R3HDM4: variants seen among roughly 807,000 people sequenced by gnomAD.
The protein encoded by R3HDM4 is R3H domain containing 4.
Under a neutral mutation model 31.3 loss-of-function variants are expected in R3HDM4, and 30 were observed. The ratio of observed to expected loss-of-function variants is 0.96; its 90% confidence interval spans 0.72 to 1.30. The LOEUF (loss-of-function observed/expected upper bound fraction) is 1.30. Ranked by LOEUF, R3HDM4 falls within the 50% of genes most tolerant of loss-of-function variation. The pLI, the probability that R3HDM4 is intolerant of heterozygous loss-of-function variation, is 0.00. For missense variants in R3HDM4, 444 were observed against 366.1 expected, an observed-to-expected ratio of 1.21 and a Z score of -1.74; for synonymous variants, 196 against 156.6, an observed-to-expected ratio of 1.25 and a Z score of -1.88.
In R3HDM4 at chr19:897,569, G is replaced by A. The variant is rs556641926; in HGVS notation, c.704-29C>T. The A allele has an allele frequency of 1.6e-4, 252 of 1,571,700 alleles. 2 individuals carry two copies. Among genetic ancestry groups the A allele is most frequent in the South Asian group, 1.4e-3 (124 of 87,646 alleles). ...CAGACGGGACCAGCGGGGCAAGAAC[G>A]GGAGGAATTTGGGAGCCGCGGCAGG... On this transcript the variant is annotated intron_variant, in intron 7 of 7. Coordinates refer to ENST00000361574, the MANE Select transcript of R3HDM4 (RefSeq NM_138774.4).
intron 1 of R3HDM4, among the ~76,000 whole-genome samples, chr19:912,078 TG>T: frequency 3.0e-5 from 1 of 33,792 alleles, no homozygotes; most frequent in Middle Eastern, 0.014. Context: ...GACCCGGGAG[TG>T]GGGGCGCGGC....
chr19:911,703 C>T (rs8102337), intron 1 of R3HDM4, among the ~76,000 whole-genome samples: 14,239 of 152,200 alleles, frequency 0.094, 788 homozygotes, highest in South Asian at 0.17. Context: ...CCTCCACCAA[C>T]ACGGACCCCA....
At position 899,348 on chromosome 19, in the gene R3HDM4, G is replaced by C; in HGVS notation, c.703+92C>G. On this transcript the variant is annotated intron_variant, in intron 7 of 7. Coordinates refer to ENST00000361574, the MANE Select transcript of R3HDM4 (RefSeq NM_138774.4). This position sits in a 1 kb window ranked among gnomAD's most constrained non-coding sequence, Gnocchi z 6.8. ...GCCCCCTTCCCCACCTCCCCACCAAGCCCCACTCTGAGGAACCAGGCCCCT... is the reference window on the plus strand; with the variant it reads ...GCCCCCTTCCCCACCTCCCCACCAACCCCCACTCTGAGGAACCAGGCCCCT... The C allele has an allele frequency of 7.5e-6, 9 of 1,201,456 alleles. No individual in the cohort carries two copies. The highest frequency in any genetic ancestry group is 9.7e-6 in the Non-Finnish European group (8 of 821,580). 74.4% of individuals were successfully genotyped at this position (1,201,456 alleles called of 1,614,324 possible). A position where few individuals can be genotyped will look rare whatever the true frequency, so the allele number is the denominator to read the frequency against.
Position 899,788 on chromosome 19 carries a change from G to T in R3HDM4, c.562-102C>A, listed in dbSNP as rs2036801372. ...AGCCCACAGCGCTGGGCTCAAACAT[G>T]ACCTCTGACCCACCACGTGAGGCTG... On this transcript the variant is annotated intron_variant, in intron 5 of 7. Coordinates refer to ENST00000361574, the MANE Select transcript of R3HDM4 (RefSeq NM_138774.4). The surrounding 1 kb of genome is among the most constrained non-coding windows in gnomAD (Gnocchi z 6.8). 2 of 944,204 alleles carry T rather than the reference G, an allele frequency of 2.1e-6. No homozygotes were observed. The highest frequency in any genetic ancestry group is 3.3e-5 in the African/African-American group (2 of 60,098). The allele number at this position is 944,204 out of a possible 1,614,324, so 58.5% of individuals were successfully genotyped here. A position where few individuals can be genotyped will look rare whatever the true frequency, so the allele number is the denominator to read the frequency against.
chr19:910,047 C>A (rs887461575), intron 1 of R3HDM4, among the ~76,000 whole-genome samples: 1 of 151,794 alleles, frequency 6.6e-6, no homozygotes, highest in East Asian at 1.9e-4. Context: ...TTAGCCAGGC[C>A]GGGCGCAGTG....
At chr19:902,941 CAAAAA>C (rs916149718) in intron 1 of R3HDM4, among the ~76,000 whole-genome samples, 1 of 147,992 alleles carries the variant, frequency 6.8e-6, no homozygotes, top group Admixed American at 6.7e-5. Context: ...GACCTTGTCT[CAAAAA>C]AAAACAAAAA....
Position 897,231 on chromosome 19 carries a change from G to C in R3HDM4, c.*206C>G, listed in dbSNP as rs1282041507. On this transcript the variant is annotated 3_prime_UTR_variant, in exon 8 of 8. Transcript: ENST00000361574. The stretch of plus-strand genomic sequence containing the variant: ...CACAAGTCCCGGAGTGGGAAGCTTG[G>C]AGCTGGGATGGCATGGGCAGCCCCA... 1 of 516,568 alleles carries C rather than the reference G, an allele frequency of 1.9e-6. No individual in the cohort carries two copies. The highest frequency in any genetic ancestry group is 3.3e-5 in the East Asian group (1 of 30,650). 32.0% of individuals were successfully genotyped at this position (516,568 alleles called of 1,614,324 possible).
chr19:910,050 G>T (rs1051114550), intron 1 of R3HDM4, among the ~76,000 whole-genome samples: 1 of 152,206 alleles, frequency 6.6e-6, no homozygotes, highest in Admixed American at 6.5e-5. Context: ...GCCAGGCCGG[G>T]CGCAGTGGCT....
intron 1 of R3HDM4, among the ~76,000 whole-genome samples, chr19:909,807 C>A (rs947810667): frequency 6.6e-6 from 1 of 151,828 alleles, no homozygotes; most frequent in Non-Finnish European, 1.5e-5. Flanking sequence ...CCAACCCCCA[C>A]CAAAAACAAA....
At chr19:902,217 T>A in intron 1 of R3HDM4, 87 bp from the exon 2 acceptor site, 2 of 1,502,224 alleles carry the variant, frequency 1.3e-6, no homozygotes, top group East Asian at 2.3e-5. Context: ...GCCCGCTTGG[T>A]TTCCCCCAGC....
At chr19:900,984 T>C (rs776813567) in intron 3 of R3HDM4, 32 bp from the exon 4 acceptor site, 2 of 1,535,532 alleles carry the variant, frequency 1.3e-6, no homozygotes, top group African/African-American at 1.4e-5. Flanking sequence ...AGGCTTGCCA[T>C]GAAACACTGG....
intron 1 of R3HDM4, among the ~76,000 whole-genome samples, chr19:906,036 T>C (rs1241172995): frequency 2.0e-5 from 3 of 151,972 alleles, no homozygotes; most frequent in Non-Finnish European, 2.9e-5. Flanking sequence ...ACCCCCTTTT[T>C]TTTTTTGAGA....
At position 896,681 on chromosome 19, in the gene R3HDM4, A is replaced by C. The variant is rs2036742159; in HGVS notation, c.*756T>G. On this transcript the variant is annotated 3_prime_UTR_variant, in exon 8 of 8. Transcript: ENST00000361574. The surrounding 1 kb of genome is among the most constrained non-coding windows in gnomAD (Gnocchi z 4.0). ...AGGCTGGGGGACGAGGGGACACGGG[A>C]TGGGGTGACAGACAAGGTAGTGCAA... 1 of 152,448 alleles carries C rather than the reference A, an allele frequency of 6.6e-6. No individual in the cohort carries two copies. Among genetic ancestry groups the C allele is most frequent in the African/African-American group, 2.4e-5 (1 of 41,340 alleles). 9.4% of individuals were successfully genotyped at this position (152,448 alleles called of 1,614,324 possible).
At chr19:903,062 CCA>C (rs1007435303) in intron 1 of R3HDM4, among the ~76,000 whole-genome samples, 1 of 152,194 alleles carries the variant, frequency 6.6e-6, no homozygotes, top group African/African-American at 2.4e-5. Context: ...ACCCCCAACC[CCA>C]GTGTTCAAGG....
intron 2 of R3HDM4, 51 bp from the exon 3 acceptor site, chr19:901,597 A>G (rs1417089004): frequency 1.3e-6 from 2 of 1,577,488 alleles, no homozygotes; most frequent in East Asian, 2.3e-5. Context: ...GGGGACCCCC[A>G]GGCACCATGG....
At chr19:901,706 C>T (rs1161309941) in intron 2 of R3HDM4, 160 bp from the exon 3 acceptor site, 3 of 1,035,682 alleles carry the variant, frequency 2.9e-6, no homozygotes, top group Non-Finnish European at 4.1e-6. Context: ...CACCTAGACC[C>T]CAGGTTCTGG....
intron 1 of R3HDM4, among the ~76,000 whole-genome samples, chr19:904,980 G>A (rs545410941): frequency 1.2e-3 from 184 of 152,218 alleles, no homozygotes; most frequent in Non-Finnish European, 1.1e-3. Context: ...GCCAAGGTAG[G>A]TGGATCACTT....
intron 1 of R3HDM4, among the ~76,000 whole-genome samples, chr19:910,384 T>C (rs1307960662): frequency 6.6e-6 from 1 of 151,044 alleles, no homozygotes; most frequent in Non-Finnish European, 1.5e-5. Context: ...CTCGGGAGGC[T>C]GGGGCAGGAG....
intron 1 of R3HDM4, 132 bp from the exon 2 acceptor site, chr19:902,262 T>C: frequency 1.1e-6 from 1 of 926,060 alleles, no homozygotes; most frequent in Non-Finnish European, 1.6e-6. Flanking sequence ...TGTGAAGTCC[T>C]GGGCCCTTAA....
Sources: allele counts gnomAD v4.1 joint callset (sites outside exome capture counted in the v4.1 genomes callset), GRCh38; gene constraint gnomAD v4.1.1; non-coding constraint Gnocchi (gnomAD v3.1); transcripts MANE v1.5; gene names NCBI Gene and HGNC (gene_info 2026-07-23, HGNC 2026-07-21).